Variants in RFC3 observed in about 807,000 individuals in gnomAD.
The protein encoded by RFC3 is replication factor C subunit 3, also known as A1 38 kDa subunit.
A neutral mutation model predicts 45.1 loss-of-function variants in RFC3; 41 were observed. That is an observed-to-expected ratio of 0.91 (90% CI 0.71 to 1.18). The LOEUF (loss-of-function observed/expected upper bound fraction) is 1.18. RFC3 is among the 50% of genes most tolerant of loss of function. The pLI is 0.00. For missense variants in RFC3, 423 were observed against 428.1 expected (o/e 0.99, Z 0.10); for synonymous variants, 149 against 144.0 (o/e 1.03, Z -0.25).
intron 8 of RFC3, among the ~76,000 whole-genome samples, chr13:33,945,073 G>C (rs1461860627): frequency 6.6e-6 from 1 of 152,074 alleles, no homozygotes; most frequent in Admixed American, 6.6e-5. Context: ...GTCAGCTCTT[G>C]CCCTGTGGAT....
intron 8 of RFC3, among the ~76,000 whole-genome samples, chr13:33,918,867 C>T (rs1022830739): frequency 2.0e-5 from 3 of 152,068 alleles, no homozygotes; most frequent in Non-Finnish European, 4.4e-5. Context: ...GAGAAAACGG[C>T]GATCAGAAAG....
intron 8 of RFC3, among the ~76,000 whole-genome samples, chr13:33,878,899 A>C (rs1345653217): frequency 6.6e-6 from 1 of 152,188 alleles, no homozygotes; most frequent in Non-Finnish European, 1.5e-5. Flanking sequence ...TAAAGCTTCA[A>C]GAAAACCCTG....
downstream of RFC3, among the ~76,000 whole-genome samples, chr13:33,840,596 GTGT>G (rs2082190591): frequency 5.7e-5 from 2 of 34,970 alleles, no homozygotes; most frequent in Admixed American, 2.3e-4. Context: ...TTTTTTGTGT[GTGT>G]TTTTTTTTAA....
intron 8 of RFC3, among the ~76,000 whole-genome samples, chr13:33,913,285 T>C (rs907638217): frequency 1.3e-5 from 2 of 151,870 alleles, no homozygotes; most frequent in Non-Finnish European, 2.9e-5. Flanking sequence ...GAGCTCAGAG[T>C]GCCTAGCCAG....
intron 3 of RFC3, 149 bp downstream of exon 3, chr13:33,824,133 T>C (rs898162003): frequency 2.4e-5 from 12 of 497,960 alleles, no homozygotes; most frequent in African/African-American, 2.0e-4. Context: ...CTGCCCTGCT[T>C]GAAATGGGAA....
At chr13:33,957,952 C>A (rs906958167) in intron 8 of RFC3, among the ~76,000 whole-genome samples, 8 of 152,118 alleles carry the variant, frequency 5.3e-5, no homozygotes, top group Admixed American at 2.0e-4. Flanking sequence ...CAATGGTGAA[C>A]CAGGCAGATG....
At chr13:33,825,722 T>C (rs2082042724) in intron 3 of RFC3, 67 bp from the exon 4 acceptor site, 2 of 832,222 alleles carry the variant, frequency 2.4e-6, no homozygotes, top group African/African-American at 3.6e-5. Context: ...ACTTAAGAAC[T>C]TCACCATTTT....
chr13:33,877,988 T>C (rs1015432901), intron 8 of RFC3, among the ~76,000 whole-genome samples: 2 of 152,066 alleles, frequency 1.3e-5, no homozygotes, highest in African/African-American at 4.8e-5. Flanking sequence ...GTCAAGTTAG[T>C]AACTTCTCTG....
chr13:33,834,873 C>T lies in RFC3; in HGVS notation c.810-275C>T, dbSNP rs55657632. On this transcript the variant is annotated intron_variant, in intron 7 of 8. Coordinates refer to ENST00000380071, the MANE Select transcript of RFC3 (RefSeq NM_002915.4). ...TATAATTAGGAACCCTGAATATAGA[C>T]GTCTCATTTTAAAAGAGTTCTGAAA... 9.1e-3 allele frequency among the ~76,000 whole-genome samples: 1,382 copies of T among 152,126 alleles called. 14 individuals carry two copies. The highest frequency in any genetic ancestry group is 0.032 in the African/African-American group (1,323 of 41,518).
intron 8 of RFC3, among the ~76,000 whole-genome samples, chr13:33,942,350 G>A (rs770564480): frequency 6.6e-6 from 1 of 151,920 alleles, no homozygotes; most frequent in Non-Finnish European, 1.5e-5. Context: ...AGTACATAAT[G>A]GTTGTCTATA....
chr13:33,969,129 C>T (rs1229283714), downstream of RFC3, among the ~76,000 whole-genome samples: 3 of 152,226 alleles, frequency 2.0e-5, no homozygotes, highest in Non-Finnish European at 4.4e-5. Context: ...GTTTTGAAAT[C>T]TGTACTTTGA....
downstream of RFC3, among the ~76,000 whole-genome samples, chr13:33,838,372 A>G (rs3135647): frequency 6.4e-3 from 981 of 152,100 alleles, 4 homozygotes; most frequent in African/African-American, 0.022. Context: ...TCTGCTAACA[A>G]TTTTCTCAGT....
At chr13:33,887,926 A>T (rs1177881050) in intron 8 of RFC3, among the ~76,000 whole-genome samples, 13 of 152,142 alleles carry the variant, frequency 8.5e-5, no homozygotes, top group Admixed American at 8.5e-4. Flanking sequence ...TTTGTCAAAG[A>T]TCAGATAGTT....
chr13:33,893,857 C>G (rs2082579217), intron 8 of RFC3, among the ~76,000 whole-genome samples: 1 of 151,910 alleles, frequency 6.6e-6, no homozygotes, highest in African/African-American at 2.4e-5. Context: ...AGAATGAAGA[C>G]CATCTACAGG....
chr13:33,845,625 A>G (rs958831348), intron 8 of RFC3, among the ~76,000 whole-genome samples: 17 of 152,172 alleles, frequency 1.1e-4, no homozygotes, highest in African/African-American at 3.6e-4. Context: ...GATTTTTAAA[A>G]ATTTTTCAAT....
chr13:33,861,596 G>A (rs937034208), intron 8 of RFC3, among the ~76,000 whole-genome samples: 2 of 148,322 alleles, frequency 1.3e-5, no homozygotes, highest in African/African-American at 5.0e-5. Flanking sequence ...AGGGAGCCGA[G>A]ATCATGCCAC....
At chr13:33,939,816 A>G (rs1020025402) in intron 8 of RFC3, among the ~76,000 whole-genome samples, 1 of 152,164 alleles carries the variant, frequency 6.6e-6, no homozygotes, top group Non-Finnish European at 1.5e-5. Flanking sequence ...TATCTAGAGA[A>G]TCAGAGAATA....
intron 8 of RFC3, among the ~76,000 whole-genome samples, chr13:33,958,192 G>A (rs1938514512): frequency 6.6e-6 from 1 of 152,204 alleles, no homozygotes; most frequent in Non-Finnish European, 1.5e-5. Context: ...AAATGCCAGA[G>A]CATGAAGAAG....
chr13:33,845,274 G>A (rs958926272), intron 8 of RFC3, among the ~76,000 whole-genome samples: 7 of 152,104 alleles, frequency 4.6e-5, no homozygotes, highest in Admixed American at 4.6e-4. Flanking sequence ...GTTAAATCTT[G>A]GTGTTCTATA....
Sources: allele counts gnomAD v4.1 joint callset (sites outside exome capture counted in the v4.1 genomes callset), GRCh38; gene constraint gnomAD v4.1.1; transcripts MANE v1.5; gene names NCBI Gene and HGNC (gene_info 2026-07-23, HGNC 2026-07-21).